TTLL5: variants seen among roughly 807,000 people sequenced by gnomAD.
The protein encoded by TTLL5 is tubulin tyrosine ligase like 5, also known as tubulin polyglutamylase TTLL5.
In TTLL5, 132 loss-of-function variants were observed where a neutral mutation model predicts 168.4. The ratio of observed to expected loss-of-function variants is 0.78; its 90% confidence interval spans 0.68 to 0.91. The LOEUF (loss-of-function observed/expected upper bound fraction) is 0.91, where lower values mean the gene tolerates loss of function less well. Ranked by LOEUF, TTLL5 falls within the 40% of genes least tolerant of loss-of-function variation. The pLI is 0.00. For missense variants in TTLL5, 1,545 were observed against 1,581.5 expected, an observed-to-expected ratio of 0.98 and a Z score of 0.39; for synonymous variants, 546 against 558.6, an observed-to-expected ratio of 0.98 and a Z score of 0.32.
At chr14:75,688,511 T>G (rs1885226025) in intron 5 of TTLL5, among the ~76,000 whole-genome samples, 1 of 152,178 alleles carries the variant, frequency 6.6e-6, no homozygotes, top group Non-Finnish European at 1.5e-5. Context: ...TGTGAGCTGC[T>G]CTAACAAATT....
chr14:75,855,254 T>C (rs1897074930), intron 28 of TTLL5, among the ~76,000 whole-genome samples: 2 of 152,202 alleles, frequency 1.3e-5, no homozygotes, highest in South Asian at 4.1e-4. Flanking sequence ...GCTTTGAATC[T>C]GTAGATTGAT....
At chr14:75,782,241 G>A (rs938857835) in intron 24 of TTLL5, among the ~76,000 whole-genome samples, 5 of 152,000 alleles carry the variant, frequency 3.3e-5, no homozygotes, top group African/African-American at 7.3e-5. Flanking sequence ...GCTGCCCTGG[G>A]TTTAGGTACC....
chr14:75,928,557 C>T (rs1405698923), intron 31 of TTLL5, among the ~76,000 whole-genome samples: 1 of 151,756 alleles, frequency 6.6e-6, no homozygotes, highest in Non-Finnish European at 1.5e-5. Flanking sequence ...TCCTCCCTCC[C>T]TCCCCTGAGA....
chr14:75,695,102 C>T (rs1050660179), intron 6 of TTLL5, among the ~76,000 whole-genome samples: 2 of 152,114 alleles, frequency 1.3e-5, no homozygotes, highest in Non-Finnish European at 2.9e-5. Context: ...CTTACAAAAG[C>T]GAATAGGAGA....
At chr14:75,782,647 A>T in intron 25 of TTLL5, 74 bp downstream of exon 25, 2 of 1,255,810 alleles carry the variant, frequency 1.6e-6, no homozygotes, top group South Asian at 2.7e-5. Context: ...GTCATCAGAT[A>T]TTAAATATTT....
chr14:75,914,097 GT>G (rs2140120510), intron 31 of TTLL5, among the ~76,000 whole-genome samples: 1 of 117,212 alleles, frequency 8.5e-6, no homozygotes, highest in South Asian at 2.7e-4. Flanking sequence ...GTTTTGTTTT[GT>G]TTTTGTTTTT....
At chr14:75,697,270 C>T (rs1408226004) in intron 6 of TTLL5, among the ~76,000 whole-genome samples, 1 of 152,180 alleles carries the variant, frequency 6.6e-6, no homozygotes, top group Admixed American at 6.5e-5. Flanking sequence ...ACCCTTCATA[C>T]AGATGCATTG....
chr14:75,739,345 T>C (rs1324887980), intron 15 of TTLL5, among the ~76,000 whole-genome samples: 2 of 152,164 alleles, frequency 1.3e-5, no homozygotes, highest in African/African-American at 4.8e-5. Context: ...TTCTATTTTG[T>C]CATTGTCTTT....
intron 9 of TTLL5, among the ~76,000 whole-genome samples, chr14:75,714,733 G>T (rs1887314711): frequency 6.6e-6 from 1 of 152,086 alleles, no homozygotes; most frequent in African/African-American, 2.4e-5. Context: ...GGCTCATCTT[G>T]TTCTTTCTCT....
In TTLL5 at chr14:75,819,983, TTA is replaced by T. The variant is rs1446387284; in HGVS notation, c.3172-22_3172-21del. 1.9e-6 allele frequency: 3 copies of T among 1,579,676 alleles called. No individual in the cohort carries two copies. The Admixed American group carries it at 5.6e-5, about 29-fold the overall frequency. On this transcript the variant is annotated intron_variant, in intron 27 of 31. Transcript: ENST00000298832. ...TTTTTAAAAACTCTGTAAAGTCAGG[TTA>T]TTTCCCTCGCTTTATTTCTAGGTAA...
At chr14:75,879,634 A>G (rs2031693700) in intron 29 of TTLL5, among the ~76,000 whole-genome samples, 1 of 152,212 alleles carries the variant, frequency 6.6e-6, no homozygotes, top group African/African-American at 2.4e-5. Context: ...AGTAATTTTA[A>G]CTGCTTATGA....
chr14:75,820,434 C>T (rs2140415058), intron 28 of TTLL5, among the ~76,000 whole-genome samples: 1 of 151,854 alleles, frequency 6.6e-6, no homozygotes, highest in African/African-American at 2.4e-5. Context: ...TTAAACCTTG[C>T]TTATAGTCAT....
At chr14:75,682,758 T>G (rs1324272432) in intron 4 of TTLL5, among the ~76,000 whole-genome samples, 1 of 151,988 alleles carries the variant, frequency 6.6e-6, no homozygotes, top group Non-Finnish European at 1.5e-5. Context: ...GAGGAAGTTT[T>G]TTTTTTTTTT....
At chr14:75,762,167 G>A (rs1043287179) in intron 18 of TTLL5, among the ~76,000 whole-genome samples, 11 of 152,000 alleles carry the variant, frequency 7.2e-5, no homozygotes, top group East Asian at 1.9e-4. Flanking sequence ...AGGCCGAGGC[G>A]GGTGGATCAC....
intron 3 of TTLL5, among the ~76,000 whole-genome samples, chr14:75,674,856 T>G (rs116089944): frequency 0.016 from 2,399 of 152,176 alleles, 82 homozygotes; most frequent in African/African-American, 0.055. Context: ...TTAATTTTAA[T>G]AATATATTTT....
intron 9 of TTLL5, among the ~76,000 whole-genome samples, chr14:75,715,733 T>A (rs1343379996): frequency 3.3e-5 from 5 of 152,148 alleles, no homozygotes; most frequent in Non-Finnish European, 1.5e-5. Flanking sequence ...GCTTTGATAT[T>A]AGAAATCTTA....
At chr14:75,897,033 A>G (rs1031417358) in intron 30 of TTLL5, among the ~76,000 whole-genome samples, 5 of 152,206 alleles carry the variant, frequency 3.3e-5, no homozygotes, top group African/African-American at 1.2e-4. Flanking sequence ...AGGATGTAAT[A>G]TCCCTATAAG....
chr14:75,785,154 C>A (rs1162342863), intron 26 of TTLL5, among the ~76,000 whole-genome samples: 1 of 145,888 alleles, frequency 6.9e-6, no homozygotes, highest in Admixed American at 6.8e-5. Context: ...GTTGCCTAAT[C>A]AAGTGTCACA....
intron 28 of TTLL5, among the ~76,000 whole-genome samples, chr14:75,822,562 C>CT (rs1894890011): frequency 6.6e-6 from 1 of 152,182 alleles, no homozygotes; most frequent in African/African-American, 2.4e-5. Flanking sequence ...GCTAGCTGTA[C>CT]TTTTCATCTC....
Sources: allele counts gnomAD v4.1 joint callset (sites outside exome capture counted in the v4.1 genomes callset), GRCh38; gene constraint gnomAD v4.1.1; transcripts MANE v1.5; gene names NCBI Gene and HGNC (gene_info 2026-07-23, HGNC 2026-07-21).